Variants in BRIP1 observed in about 807,000 individuals in gnomAD.
BRIP1 encodes Fanconi anemia group J protein.
BRIP1 carries 88 observed loss-of-function variants against 119.7 expected under a neutral mutation model. The ratio of observed to expected loss-of-function variants is 0.74; its 90% confidence interval spans 0.62 to 0.88. BRIP1 has a LOEUF of 0.88. Among genes scored for constraint, BRIP1 ranks in the 40% least tolerant of loss-of-function variants. BRIP1 has a pLI of 0.00. For synonymous variants in BRIP1, 443 were observed against 496.5 expected (o/e 0.89, Z 1.43); for missense variants, 1,259 against 1,455.4 (o/e 0.87, Z 2.20).
In BRIP1 at chr17:61,742,324, GT is replaced by G. The variant is rs2144667770; in HGVS notation, c.2379+688del. Among the ~76,000 whole-genome samples, 1 of 152,234 alleles carries G rather than the reference GT, an allele frequency of 6.6e-6. No homozygotes were observed. The highest frequency in any genetic ancestry group is 2.1e-4 in the South Asian group (1 of 4,830). ...CTTTCTCTATATCAGTAATAAGACT[GT>G]TTGCTTATTATTTGTACATTCACTG... is the stretch of plus-strand genomic sequence containing the variant. On this transcript the variant is annotated intron_variant, in intron 16 of 19. Coordinates refer to ENST00000259008, the MANE Select transcript of BRIP1 (RefSeq NM_032043.3). The surrounding 1 kb of genome is among the most constrained non-coding windows in gnomAD (Gnocchi z 4.7).
intron 17 of BRIP1, among the ~76,000 whole-genome samples, chr17:61,711,769 G>A (rs1379629868): frequency 1.3e-5 from 2 of 152,064 alleles, no homozygotes; most frequent in Non-Finnish European, 2.9e-5. Context: ...TCAGGAGGTT[G>A]AGGTAGGAGA....
rs776010326 is a variant in BRIP1, at chr17:61,683,441, T to C, written c.3605A>G (p.Glu1202Gly). Reference sequence around the variant, plus strand: ...ATCAATGTCATCAATTTTACTTTCTTCAATATGCAGAATTCCATTCAACTT... The same window carrying C: ...ATCAATGTCATCAATTTTACTTTCTCCAATATGCAGAATTCCATTCAACTT... ...DTKLNGILHI[E>G]ESKIDDIDGN... Residue 1202 changes from glutamate (E) to glycine (G), a missense_variant, in exon 20 of 20, where the codon GAA becomes GGA. This residue lies in a region of BRIP1 where 753 missense variants were observed against 891.8 expected (regional missense o/e 0.84). Coordinates refer to ENST00000259008, the MANE Select transcript of BRIP1 (RefSeq NM_032043.3). This position sits in a 1 kb window ranked among gnomAD's most constrained non-coding sequence, Gnocchi z 4.7. The C allele has an allele frequency of 1.9e-6, 3 of 1,613,524 alleles. No individual in the cohort carries two copies. Among genetic ancestry groups the C allele is most frequent in the Non-Finnish European group, 2.5e-6 (3 of 1,179,766 alleles).
In BRIP1 at chr17:61,831,853, G is replaced by C. The variant is rs866764349; in HGVS notation, c.627+15248C>G. 2.0e-5 allele frequency among the ~76,000 whole-genome samples: 3 copies of C among 152,232 alleles called. No homozygotes were observed. Among genetic ancestry groups the C allele is most frequent in the Middle Eastern group, 6.8e-3 (2 of 294 alleles). On this transcript the variant is annotated intron_variant, in intron 6 of 19. Coordinates refer to ENST00000259008, the MANE Select transcript of BRIP1 (RefSeq NM_032043.3). The surrounding 1 kb of genome is among the most constrained non-coding windows in gnomAD (Gnocchi z 4.1). ...ATACAGAAAGGAAGAAAATTAGAAT[G>C]GGCCCTCTGGTACTGGAATGGAACT...
Position 61,683,185 on chromosome 17 carries a change from AAT to A in BRIP1, c.*109_*110del, listed in dbSNP as rs2061293172. The A allele has an allele frequency of 7.9e-6, 10 of 1,260,238 alleles. No homozygotes were observed. The Admixed American group carries it at 1.5e-4, about 19-fold the overall frequency. 78.1% of individuals were successfully genotyped at this position (1,260,238 alleles called of 1,614,324 possible). A position where few individuals can be genotyped will look rare whatever the true frequency, so the allele number is the denominator to read the frequency against. On this transcript the variant is annotated 3_prime_UTR_variant, in exon 20 of 20. Coordinates refer to ENST00000259008, the MANE Select transcript of BRIP1 (RefSeq NM_032043.3). This position sits in a 1 kb window ranked among gnomAD's most constrained non-coding sequence, Gnocchi z 4.7. ...ATAACATTTACATTTCTGAACATAA[AAT>A]AGTTTTTTAAAAAGTATGCCACTTA...
intron 10 of BRIP1, among the ~76,000 whole-genome samples, chr17:61,784,712 C>T (rs1283807263): frequency 6.6e-6 from 1 of 152,108 alleles, no homozygotes. Context: ...TTAGTTCCCA[C>T]GAGAGCTGGT....
chr17:61,754,449 C>A lies in BRIP1; in HGVS notation c.2098-9858G>T, dbSNP rs1603307575. 6.6e-6 allele frequency among the ~76,000 whole-genome samples: 1 copy of A among 152,126 alleles called. No homozygotes were observed. Among genetic ancestry groups the A allele is most frequent in the South Asian group, 2.1e-4 (1 of 4,830 alleles). ...CATCCAATTAAATTCTAAATGAGCA[C>A]CCTCCAGCCCCCACCCAAAAAAATT... On this transcript the variant is annotated intron_variant, in intron 14 of 19. Coordinates refer to ENST00000259008, the MANE Select transcript of BRIP1 (RefSeq NM_032043.3). This position sits in a 1 kb window ranked among gnomAD's most constrained non-coding sequence, Gnocchi z 4.1.
Position 61,799,233 on chromosome 17 carries a change from G to T in BRIP1, c.1207C>A (p.Arg403=), listed in dbSNP as rs369631413. The T allele has an allele frequency of 1.9e-6, 3 of 1,613,448 alleles. No homozygotes were observed. The highest frequency in any genetic ancestry group is 2.5e-6 in the Non-Finnish European group (3 of 1,179,626). Reference sequence around the variant, plus strand: ...GTTACACTGTAACTTGCTGATTCCCGAGCACAGTCCTCGATGTTATGAGCT... The same window carrying T: ...GTTACACTGTAACTTGCTGATTCCCTAGCACAGTCCTCGATGTTATGAGCT... ...DEAHNIEDCA[R]ESASYSVTEV... Residue 403 remains arginine, a synonymous_variant, in exon 9 of 20, where the codon CGG becomes AGG. Coordinates refer to ENST00000259008, the MANE Select transcript of BRIP1 (RefSeq NM_032043.3). This position sits in a 1 kb window ranked among gnomAD's most constrained non-coding sequence, Gnocchi z 5.1.
chr17:61,859,427 G>A (rs2078942875), intron 3 of BRIP1, among the ~76,000 whole-genome samples: 1 of 152,018 alleles, frequency 6.6e-6, no homozygotes, highest in African/African-American at 2.4e-5. Flanking sequence ...GACCTCCTGG[G>A]CTCAAGCGAT....
At chr17:61,763,098 C>T (rs1009291917) in intron 14 of BRIP1, among the ~76,000 whole-genome samples, 1 of 152,134 alleles carries the variant, frequency 6.6e-6, no homozygotes, top group African/African-American at 2.4e-5. Context: ...GGGGCAACCA[C>T]CCTTCTACTT....
In BRIP1 at chr17:61,842,042, C is replaced by A. The variant is rs2078665534; in HGVS notation, c.627+5059G>T. The stretch of plus-strand genomic sequence containing the variant: ...AAGGAGTTGGCATCAACCTAAATGT[C>A]CATCAACAGATGAATGGATAAAGAA... On this transcript the variant is annotated intron_variant, in intron 6 of 19. Transcript: ENST00000259008. The surrounding 1 kb of genome is among the most constrained non-coding windows in gnomAD (Gnocchi z 5.1). Among the ~76,000 whole-genome samples, 1 of 152,042 alleles carries A rather than the reference C, an allele frequency of 6.6e-6. No individual in the cohort carries two copies. The highest frequency in any genetic ancestry group is 2.1e-4 in the South Asian group (1 of 4,824).
intron 6 of BRIP1, among the ~76,000 whole-genome samples, chr17:61,820,235 T>C (rs1024964604): frequency 6.6e-6 from 1 of 152,174 alleles, no homozygotes; most frequent in African/African-American, 2.4e-5. Flanking sequence ...TCCAGTCTAA[T>C]ATGGCAGATT....
At position 61,846,959 on chromosome 17, in the gene BRIP1, CAG is replaced by C. The variant is rs2145739682; in HGVS notation, c.627+140_627+141del. 5 of 900,308 alleles carry C rather than the reference CAG, an allele frequency of 5.6e-6. No individual in the cohort carries two copies. Among genetic ancestry groups the C allele is most frequent in the East Asian group, 2.6e-5 (1 of 38,772 alleles). The allele number at this position is 900,308 out of a possible 1,614,324, so 55.8% of individuals were successfully genotyped here. On this transcript the variant is annotated intron_variant, in intron 6 of 19. Transcript: ENST00000259008. The surrounding 1 kb of genome is among the most constrained non-coding windows in gnomAD (Gnocchi z 4.3). ...GCTTTGCCATCTCACACATTAGTAA[CAG>C]AGATGTGACAGCATTGAGGACTTCT...
chr17:61,835,054 C>T (rs1187324990), intron 6 of BRIP1, among the ~76,000 whole-genome samples: 4 of 152,200 alleles, frequency 2.6e-5, no homozygotes, highest in African/African-American at 9.7e-5. Context: ...ATTGAGGAGA[C>T]AGTTTAATTA....
chr17:61,691,537 C>A lies in BRIP1; in HGVS notation c.2575+1893G>T. 6.6e-6 allele frequency among the ~76,000 whole-genome samples: 1 copy of A among 152,076 alleles called. No individual in the cohort carries two copies. The highest frequency in any genetic ancestry group is 1.9e-4 in the East Asian group (1 of 5,176). On this transcript the variant is annotated intron_variant, in intron 18 of 19. Coordinates refer to ENST00000259008, the MANE Select transcript of BRIP1 (RefSeq NM_032043.3). This position sits in a 1 kb window ranked among gnomAD's most constrained non-coding sequence, Gnocchi z 5.0. ...GTGGCGCGGTCTTGGCTCACTGCAA[C>A]CTCCGCCTCCCAGGTTCAAGCCATT...
At chr17:61,719,420 G>A (rs1226486989) in intron 16 of BRIP1, among the ~76,000 whole-genome samples, 2 of 152,070 alleles carry the variant, frequency 1.3e-5, no homozygotes, top group Non-Finnish European at 2.9e-5. Flanking sequence ...GCTCATATGT[G>A]GAAGCTTAAA....
At chr17:61,688,064 G>A (rs2061386603) in intron 18 of BRIP1, among the ~76,000 whole-genome samples, 2 of 152,190 alleles carry the variant, frequency 1.3e-5, no homozygotes, top group South Asian at 4.1e-4. Flanking sequence ...AGAAAAGCCT[G>A]GAGTGTGCAT....
In BRIP1 at chr17:61,740,452, G is replaced by A. The variant is rs983771977; in HGVS notation, c.2379+2561C>T. On this transcript the variant is annotated intron_variant, in intron 16 of 19. Coordinates refer to ENST00000259008, the MANE Select transcript of BRIP1 (RefSeq NM_032043.3). The surrounding 1 kb of genome is among the most constrained non-coding windows in gnomAD (Gnocchi z 5.4). ...GGACCAGACTTTGAAAATAACTCCTGTTGACCAAAGACAGTATAAGTTGAA... is the reference window on the plus strand; with the variant it reads ...GGACCAGACTTTGAAAATAACTCCTATTGACCAAAGACAGTATAAGTTGAA... Among the ~76,000 whole-genome samples, 1 of 152,130 alleles carries A rather than the reference G, an allele frequency of 6.6e-6. No homozygotes were observed. Among genetic ancestry groups the A allele is most frequent in the Non-Finnish European group, 1.5e-5 (1 of 68,034 alleles).
rs923462382 is a variant in BRIP1 at position 61,832,443 on chromosome 17, A to G, written c.627+14658T>C. On this transcript the variant is annotated intron_variant, in intron 6 of 19. Transcript: ENST00000259008. This position sits in a 1 kb window ranked among gnomAD's most constrained non-coding sequence, Gnocchi z 5.5. ...AAGGCAAAAAGATAACTGTAAAGTT[A>G]TATTTTTTACCTAGCAGATATCATA... 1.3e-5 allele frequency among the ~76,000 whole-genome samples: 2 copies of G among 152,250 alleles called. No individual in the cohort carries two copies.
rs748286552 is a variant in BRIP1 at position 61,697,003 on chromosome 17, A to AG, written c.2493-3492dup. Among the ~76,000 whole-genome samples the AG allele has an allele frequency of 4.6e-3, 554 of 121,074 alleles. 6 individuals are homozygous for AG. The highest frequency in any genetic ancestry group is 0.017 in the South Asian group (59 of 3,524). The allele number at this position is 121,074 out of a possible 152,430, so 79.4% of individuals were successfully genotyped here. On this transcript the variant is annotated intron_variant, in intron 17 of 19. Coordinates refer to ENST00000259008, the MANE Select transcript of BRIP1 (RefSeq NM_032043.3). ...TCTGTCTCAAAAAAAAAAAAAAAAAAGGGGGGGGGAAGTGTTTTGATGACA... is the reference window on the plus strand; with the variant it reads ...TCTGTCTCAAAAAAAAAAAAAAAAAAGGGGGGGGGGAAGTGTTTTGATGACA...
Sources: allele counts gnomAD v4.1 joint callset (sites outside exome capture counted in the v4.1 genomes callset), GRCh38; gene constraint gnomAD v4.1.1; regional missense constraint gnomAD v4.1.1; non-coding constraint Gnocchi (gnomAD v3.1); transcripts MANE v1.5; gene names NCBI Gene and HGNC (gene_info 2026-07-23, HGNC 2026-07-21).